GC: variants seen among roughly 807,000 people sequenced by gnomAD.
The protein encoded by GC is GC vitamin D binding protein, also known as vitamin D-binding protein.
Under a neutral mutation model 56.7 loss-of-function variants are expected in GC, and 43 were observed. The ratio of observed to expected loss-of-function variants is 0.76; its 90% CI spans 0.59 to 0.98. GC has a LOEUF of 0.98. Ranked by LOEUF, GC falls within the 50% of genes least tolerant of loss-of-function variation. The pLI is 0.00. For synonymous variants in GC, 216 were observed against 202.7 expected, an observed-to-expected ratio of 1.07 and a Z score of -0.56; for missense variants, 529 against 545.9, an observed-to-expected ratio of 0.97 and a Z score of 0.31.
At position 71,769,406 on chromosome 4, in the gene GC, A is replaced by G; in HGVS notation, c.59-6T>C. On this transcript the variant is annotated splice_polypyrimidine_tract_variant and splice_region_variant and intron_variant, in intron 1 of 12. Transcript: ENST00000273951. ...ATTCTTTTCATAATCCCGGCCTAGG[A>G]GGCAGAAATAGAAAAATTTGTATGT... is the stretch of plus-strand genomic sequence containing the variant. The G allele has an allele frequency of 6.2e-7, 1 of 1,604,506 alleles. No homozygotes were observed. The highest frequency in any genetic ancestry group is 1.1e-5 in the South Asian group (1 of 90,668).
At chr4:71,774,938 G>A (rs1015367249) in intron 1 of GC, among the ~76,000 whole-genome samples, 3 of 151,332 alleles carry the variant, frequency 2.0e-5, no homozygotes, top group East Asian at 3.9e-4. Flanking sequence ...GGTATCGAAA[G>A]ATTCATTATT....
At chr4:71,803,596 A>G (rs1177934045) in intron 1 of GC, among the ~76,000 whole-genome samples, 5 of 152,178 alleles carry the variant, frequency 3.3e-5, no homozygotes, top group Non-Finnish European at 5.9e-5. Context: ...TATTCTATGT[A>G]TTATTTACTT....
rs1370691405 is a variant in GC, at chr4:71,755,073, G to T, written c.1069C>A (p.Pro357Thr). The T allele has an allele frequency of 6.3e-7, 1 of 1,592,678 alleles. No individual in the cohort carries two copies. Among genetic ancestry groups the T allele is most frequent in the East Asian group, 2.3e-5 (1 of 44,340 alleles). Residue 357 changes from proline (P) to threonine (T), a missense_variant, in exon 9 of 13, where the codon CCG becomes ACG. Physicochemically the swap from Pro to Thr is conservative, Grantham distance 38 (BLOSUM62 -1). Transcript: ENST00000273951. ...TFELSRRTHL[P>T]EVFLSKVLEP... ...AGTACCTTACTGAGGAATACTTCCG[G>T]AAGATGAGTCCTTCTGCTTAGTTCA...
chr4:71,795,157 G>C (rs527751853), intron 1 of GC, among the ~76,000 whole-genome samples: 1 of 152,294 alleles, frequency 6.6e-6, no homozygotes, highest in South Asian at 2.1e-4. Context: ...GGAGAGTTCT[G>C]TAGCTGTCTA....
In GC at chr4:71,748,469, A is replaced by G. The variant is rs186029614; in HGVS notation, c.1396-2264T>C. On this transcript the variant is annotated intron_variant, in intron 11 of 12. Coordinates refer to ENST00000273951, the MANE Select transcript of GC (RefSeq NM_000583.4). ...AGCATATTACAATGACTTTTGGAAT[A>G]CTTTGGGAAATCATATCTGATGCTC... is the stretch of plus-strand genomic sequence containing the variant. 4.6e-5 allele frequency among the ~76,000 whole-genome samples: 7 copies of G among 152,258 alleles called. No individual in the cohort carries two copies. In the East Asian group the frequency reaches 1.2e-3, roughly 25 times the overall value.
chr4:71,753,823 T>C (rs1030267114), intron 10 of GC, among the ~76,000 whole-genome samples: 6 of 152,230 alleles, frequency 3.9e-5, no homozygotes, highest in Non-Finnish European at 5.9e-5. Context: ...TTAGATAACA[T>C]TTTTAGCAGT....
chr4:71,750,459 G>A (rs972819262), intron 11 of GC, among the ~76,000 whole-genome samples: 6 of 152,216 alleles, frequency 3.9e-5, no homozygotes, highest in South Asian at 2.1e-4. Flanking sequence ...TTATACTTTC[G>A]TGACTTGCTT....
At position 71,746,245 on chromosome 4, in the gene GC, T is replaced by C. The variant is rs1279259940; in HGVS notation, c.1396-40A>G. On this transcript the variant is annotated intron_variant, in intron 11 of 12. Coordinates refer to ENST00000273951, the MANE Select transcript of GC (RefSeq NM_000583.4). Reference sequence around the variant, plus strand: ...AGAATGTTATATAACTTATGAAGTATTTCATTTGTAGGCTACTAGATCATG... The same window carrying C: ...AGAATGTTATATAACTTATGAAGTACTTCATTTGTAGGCTACTAGATCATG... 5 of 967,350 alleles carry C rather than the reference T, an allele frequency of 5.2e-6. No individual in the cohort carries two copies. The East Asian group carries it at 1.2e-4, about 24-fold the overall frequency. 59.9% of individuals were successfully genotyped at this position (967,350 alleles called of 1,614,324 possible). A position where few individuals can be genotyped will look rare whatever the true frequency, so the allele number is the denominator to read the frequency against.
upstream of GC, among the ~76,000 whole-genome samples, chr4:71,784,629 G>A (rs1387366986): frequency 2.0e-5 from 3 of 151,678 alleles, no homozygotes; most frequent in African/African-American, 7.3e-5. Context: ...TTAGATGATG[G>A]CATAGTACTT....
upstream of GC, among the ~76,000 whole-genome samples, chr4:71,788,411 A>C (rs1196369441): frequency 2.0e-5 from 3 of 151,934 alleles, no homozygotes; most frequent in Non-Finnish European, 2.9e-5. Flanking sequence ...AAATGGTTTC[A>C]TTTATTTTAA....
At chr4:71,785,393 A>C (rs1188800130), upstream of GC, among the ~76,000 whole-genome samples, 1 of 151,754 alleles carries the variant, frequency 6.6e-6, no homozygotes, top group African/African-American at 2.4e-5. Context: ...CCCGCAGATA[A>C]GTGATTTAAA....
At position 71,774,226 on chromosome 4, in the gene GC, G is replaced by A. The variant is rs186790939; in HGVS notation, c.59-4826C>T. The stretch of plus-strand genomic sequence containing the variant: ...ATGATATCAGTGCAACAAATTGAGC[G>A]TCCTTTCAGACTTTGAAAATTCAAA... On this transcript the variant is annotated intron_variant, in intron 1 of 12. Coordinates refer to ENST00000273951, the MANE Select transcript of GC (RefSeq NM_000583.4). 3.1e-3 allele frequency among the ~76,000 whole-genome samples: 471 copies of A among 152,098 alleles called. 1 individual carries two copies. The highest frequency in any genetic ancestry group is 0.011 in the African/African-American group (439 of 41,536).
At chr4:71,803,676 C>T (rs1408605440) in intron 1 of GC, among the ~76,000 whole-genome samples, 1 of 152,164 alleles carries the variant, frequency 6.6e-6, no homozygotes, top group Non-Finnish European at 1.5e-5. Flanking sequence ...AAACTCATCG[C>T]TCTCAACATA....
At position 71,763,424 on chromosome 4, in the gene GC, T is replaced by C; in HGVS notation, c.685A>G (p.Lys229Glu). 1 of 1,589,022 alleles carries C rather than the reference T, an allele frequency of 6.3e-7. No homozygotes were observed. Among genetic ancestry groups the C allele is most frequent in the South Asian group, 1.1e-5 (1 of 90,408 alleles). Residue 229 changes from lysine to glutamate, a missense_variant, in exon 6 of 13, where the codon AAG becomes GAG. By Grantham distance (56) the Lys-to-Glu change is moderately conservative. Coordinates refer to ENST00000273951, the MANE Select transcript of GC (RefSeq NM_000583.4). ...VCSQYAAYGE[K>E]KSRLSNLIKL... ...AATCTTTACCTGAGCCTTGATTTCT[T>C]CTCCCCATAAGCAGCATATTGTGAG...
Position 71,762,318 on chromosome 4 carries a change from C to T in GC, c.701+1090G>A, listed in dbSNP as rs141500453. ...CCCCTTTGTTTTGGCCAATTTTTCC[C>T]ATTTTTAATGGCTGCATTTACCCAA... On this transcript the variant is annotated intron_variant, in intron 6 of 12. Coordinates refer to ENST00000273951, the MANE Select transcript of GC (RefSeq NM_000583.4). 1.5e-3 allele frequency among the ~76,000 whole-genome samples: 235 copies of T among 152,308 alleles called. 2 individuals carry two copies. Among genetic ancestry groups the T allele is most frequent in the African/African-American group, 5.3e-3 (222 of 41,576 alleles).
chr4:71,779,331 A>T (rs1742602534), intron 1 of GC, among the ~76,000 whole-genome samples: 1 of 151,890 alleles, frequency 6.6e-6, no homozygotes, highest in Non-Finnish European at 1.5e-5. Flanking sequence ...GGGATAGAAG[A>T]TAATGGACTG....
At chr4:71,772,217 C>G (rs1284038337) in intron 1 of GC, among the ~76,000 whole-genome samples, 1 of 152,046 alleles carries the variant, frequency 6.6e-6, no homozygotes, top group Non-Finnish European at 1.5e-5. Flanking sequence ...CCAAGGCTTA[C>G]TGTATTTTAA....
At chr4:71,801,526 G>A (rs1743248486) in intron 1 of GC, among the ~76,000 whole-genome samples, 2 of 152,048 alleles carry the variant, frequency 1.3e-5, no homozygotes, top group African/African-American at 4.8e-5. Context: ...GGGCAACTTC[G>A]GGGCTCACTT....
intron 10 of GC, among the ~76,000 whole-genome samples, chr4:71,753,188 G>C (rs1439362478): frequency 6.6e-6 from 1 of 152,072 alleles, no homozygotes; most frequent in East Asian, 1.9e-4. Context: ...ATGGTGATAA[G>C]ACTTGATATC....
Sources: gnomAD v4.1 joint callset for allele counts (sites outside exome capture counted in the v4.1 genomes callset) on GRCh38, gnomAD v4.1.1 for gene constraint, MANE v1.5 for transcripts, NCBI Gene and HGNC (gene_info 2026-07-23, HGNC 2026-07-21) for gene names.